The following LDLRAD4 variants were observed in gnomAD, a reference collection of about 807,000 sequenced individuals.
LDLRAD4 encodes the protein low-density lipoprotein receptor class A domain-containing protein 4.
Under a neutral mutation model 17.0 loss-of-function variants are expected in LDLRAD4, and 5 were observed. The ratio of observed to expected loss-of-function variants is 0.29; its 90% confidence interval spans 0.15 to 0.62. LDLRAD4 has a LOEUF of 0.62. LDLRAD4 is among the 20% of genes least tolerant of loss of function. The probability of loss-of-function intolerance (pLI) is 0.84; values close to 1 mark genes in which losing one functional copy is unlikely to be tolerated. For missense variants in LDLRAD4, 340 were observed against 424.7 expected (o/e 0.80, Z 1.75); for synonymous variants, 168 against 171.8 (o/e 0.98, Z 0.17).
intron 3 of LDLRAD4, chr18:13,516,228 A>G (rs2093864618): frequency 6.6e-6 from 1 of 152,220 alleles, no homozygotes; most frequent in Admixed American, 6.5e-5. Flanking sequence ...TACACCCAAA[A>G]TTGAATGTAG....
intron 3 of LDLRAD4, among the ~76,000 whole-genome samples, chr18:13,578,825 G>GTTTTTTTTTTTTTTTTTTTTTTT (rs1286958694): frequency 4.0e-5 from 2 of 49,886 alleles, no homozygotes; most frequent in Non-Finnish European, 8.1e-5. Flanking sequence ...AGTTGTCCGG[G>GTTTTTTTTTTTTTTTTTTTTTTT]TCTTTTTTTT....
chr18:13,478,208 G>A (rs898843382), intron 3 of LDLRAD4, among the ~76,000 whole-genome samples: 5 of 152,140 alleles, frequency 3.3e-5, no homozygotes, highest in African/African-American at 9.7e-5. Context: ...ATCACCTGGG[G>A]CTTGTTGGAC....
At chr18:13,325,971 A>T (rs2081514024) in intron 1 of LDLRAD4, among the ~76,000 whole-genome samples, 1 of 151,800 alleles carries the variant, frequency 6.6e-6, no homozygotes, top group Non-Finnish European at 1.5e-5. Context: ...GTTTCACTGT[A>T]TTAGCCAGGA....
chr18:13,270,003 A>G (rs2044436386), intron 1 of LDLRAD4, among the ~76,000 whole-genome samples: 2 of 152,332 alleles, frequency 1.3e-5, no homozygotes, highest in Middle Eastern at 3.4e-3. Context: ...CTTGATCTGC[A>G]AACACACCAG....
At chr18:13,394,548 T>G in intron 2 of LDLRAD4, among the ~76,000 whole-genome samples, 1 of 152,238 alleles carries the variant, frequency 6.6e-6, no homozygotes, top group Non-Finnish European at 1.5e-5. Flanking sequence ...CAATTAATAT[T>G]TAATGTGACA....
chr18:13,224,144 A>G (rs947586226), intron 1 of LDLRAD4, among the ~76,000 whole-genome samples: 1 of 152,230 alleles, frequency 6.6e-6, no homozygotes, highest in Non-Finnish European at 1.5e-5. Context: ...ACCTGTGGCA[A>G]GAGCCTCAGT....
chr18:13,287,608 T>C (rs1172706495), intron 1 of LDLRAD4, among the ~76,000 whole-genome samples: 2 of 152,224 alleles, frequency 1.3e-5, no homozygotes, highest in South Asian at 2.1e-4. Flanking sequence ...CCTTCTCCAC[T>C]GTCTGCCCTC....
chr18:13,317,013 G>T (rs961480221), intron 1 of LDLRAD4, among the ~76,000 whole-genome samples: 2 of 152,178 alleles, frequency 1.3e-5, no homozygotes, highest in Non-Finnish European at 2.9e-5. Flanking sequence ...AAAAATTGCT[G>T]CTTACGATAG....
At chr18:13,573,411 T>C (rs2094720631) in intron 3 of LDLRAD4, among the ~76,000 whole-genome samples, 1 of 150,628 alleles carries the variant, frequency 6.6e-6, no homozygotes, top group Non-Finnish European at 1.5e-5. Flanking sequence ...CACTAATTTT[T>C]GTATTTTTAG....
chr18:13,292,268 ACTGT>A (rs746461584), intron 1 of LDLRAD4, among the ~76,000 whole-genome samples: 1 of 152,106 alleles, frequency 6.6e-6, no homozygotes, highest in Non-Finnish European at 1.5e-5. Context: ...GTGCTCATAG[ACTGT>A]CTGTGGGTGG....
At chr18:13,411,830 A>T (rs1362857361) in intron 2 of LDLRAD4, among the ~76,000 whole-genome samples, 1 of 152,110 alleles carries the variant, frequency 6.6e-6, no homozygotes, top group Non-Finnish European at 1.5e-5. Context: ...CCAACCCAGT[A>T]GTCTGCACCC....
At chr18:13,302,860 T>C (rs1354157467) in intron 1 of LDLRAD4, among the ~76,000 whole-genome samples, 1 of 152,192 alleles carries the variant, frequency 6.6e-6, no homozygotes, top group African/African-American at 2.4e-5. Flanking sequence ...TATGGAGTTA[T>C]GTTACGTGCA....
intron 3 of LDLRAD4, chr18:13,526,017 A>G (rs752411072): frequency 6.6e-6 from 1 of 152,182 alleles, no homozygotes; most frequent in Non-Finnish European, 1.5e-5. Context: ...TCATGCTTGA[A>G]ATCTCATGGA....
chr18:13,570,264 C>A (rs2094670160), intron 3 of LDLRAD4, among the ~76,000 whole-genome samples: 1 of 152,206 alleles, frequency 6.6e-6, no homozygotes, highest in African/African-American at 2.4e-5. Flanking sequence ...GGTCTGTGCG[C>A]AGGTCAGCCC....
At chr18:13,612,933 C>T (rs528036045) in intron 3 of LDLRAD4, 21 of 715,334 alleles carry the variant, frequency 2.9e-5, no homozygotes, top group African/African-American at 2.9e-4. Flanking sequence ...AGAACATTTC[C>T]GGGTGGGACT....
intron 2 of LDLRAD4, among the ~76,000 whole-genome samples, chr18:13,405,836 T>C (rs976413504): frequency 2.0e-5 from 3 of 152,096 alleles, no homozygotes; most frequent in Admixed American, 2.0e-4. Flanking sequence ...GAGCTGAGGG[T>C]GTCTGAGTGC....
At chr18:13,225,448 T>TGGCATGGGGCTAGCCC (rs909094488) in intron 1 of LDLRAD4, among the ~76,000 whole-genome samples, 1 of 152,200 alleles carries the variant, frequency 6.6e-6, no homozygotes, top group Admixed American at 6.5e-5. Context: ...TGAGCCTTTG[T>TGGCATGGGGCTAGCCC]GGCATGGGGC....
At chr18:13,277,580 C>T (rs571287479), upstream of LDLRAD4, among the ~76,000 whole-genome samples, 43 of 152,200 alleles carry the variant, frequency 2.8e-4, no homozygotes, top group Non-Finnish European at 4.4e-4. Flanking sequence ...CGAACGTTAC[C>T]ATCCCAGCAG....
intron 2 of LDLRAD4, among the ~76,000 whole-genome samples, chr18:13,415,542 C>CGGTGGTT (rs2088803434): frequency 2.0e-5 from 3 of 152,148 alleles, no homozygotes; most frequent in Non-Finnish European, 4.4e-5. Context: ...CTTGTCTCCC[C>CGGTGGTT]GGTGGTTAGG....
Sources: allele counts gnomAD v4.1 joint callset (sites outside exome capture counted in the v4.1 genomes callset), GRCh38; gene constraint gnomAD v4.1.1; transcripts MANE v1.5; gene names NCBI Gene and HGNC (gene_info 2026-07-23, HGNC 2026-07-21).